Variants in OLFM3 observed in about 807,000 individuals in gnomAD.
OLFM3 encodes olfactomedin 3, also known as noelin-3.
A neutral mutation model predicts 48.6 loss-of-function variants in OLFM3; 20 were observed. The observed-to-expected ratio is 0.41, with a 90% CI of 0.29 to 0.60. The LOEUF (loss-of-function observed/expected upper bound fraction) is 0.60, where lower values mean the gene tolerates loss of function less well. OLFM3 is among the 20% of genes least tolerant of loss of function. The pLI is 0.28. For synonymous variants in OLFM3, 222 were observed against 198.1 expected (o/e 1.12, Z -1.01); for missense variants, 437 against 544.3 (o/e 0.80, Z 1.96).
chr1:101,947,818 T>C (rs2101066913), intron 1 of OLFM3, among the ~76,000 whole-genome samples: 1 of 152,314 alleles, frequency 6.6e-6, no homozygotes, highest in South Asian at 2.1e-4. Flanking sequence ...ATATGGCATA[T>C]AGATAATAAT....
intron 1 of OLFM3, among the ~76,000 whole-genome samples, chr1:101,946,290 A>G (rs554530180): frequency 6.6e-6 from 1 of 152,236 alleles, no homozygotes; most frequent in East Asian, 1.9e-4. Context: ...GACACAAATA[A>G]CACTTATGTG....
chr1:101,804,276 T>C lies in OLFM3; in HGVS notation c.1339A>G (p.Thr447Ala), dbSNP rs1206190270. 16 of 1,606,474 alleles carry C rather than the reference T, an allele frequency of 1.0e-5. No homozygotes were observed. The highest frequency in any genetic ancestry group is 1.3e-5 in the African/African-American group (1 of 74,636). Residue 447 changes from threonine (T) to alanine (A), a missense_variant, in exon 6 of 6, where the codon ACC becomes GCC. This residue lies in a region of OLFM3 where 108 missense variants were observed against 135.8 expected (regional missense o/e 0.80). Coordinates refer to ENST00000370103, the MANE Select transcript of OLFM3 (RefSeq NM_058170.4). The surrounding 1 kb of genome is among the most constrained non-coding windows in gnomAD (Gnocchi z 4.5). ...NNGHQVLFNV[T>A]LFHIIKTEDD... Reference sequence around the variant, plus strand: ...TCTGTCTTGATGATATGGAAAAGGGTGACATTGAACAGCACCTGGTGGCCA... The same window carrying C: ...TCTGTCTTGATGATATGGAAAAGGGCGACATTGAACAGCACCTGGTGGCCA...
intron 1 of OLFM3, among the ~76,000 whole-genome samples, chr1:101,933,877 C>T (rs1163546527): frequency 4.6e-5 from 7 of 152,022 alleles, no homozygotes; most frequent in East Asian, 1.9e-4. Flanking sequence ...GCTTTATAAG[C>T]GAAGAAGAAA....
At chr1:101,991,875 T>C (rs1217030011) in intron 1 of OLFM3, among the ~76,000 whole-genome samples, 1 of 151,446 alleles carries the variant, frequency 6.6e-6, no homozygotes, top group Non-Finnish European at 1.5e-5. Context: ...ACCGAGAAGA[T>C]GAAAACTGCA....
At chr1:101,995,382 T>C (rs1169051090) in intron 1 of OLFM3, among the ~76,000 whole-genome samples, 1 of 152,162 alleles carries the variant, frequency 6.6e-6, no homozygotes, top group Non-Finnish European at 1.5e-5. Flanking sequence ...CAACACTTTT[T>C]CCTAAGTGTA....
intron 1 of OLFM3, among the ~76,000 whole-genome samples, chr1:101,991,016 A>AAAAAAAATATATAT (rs1553186119): frequency 1.6e-4 from 5 of 32,212 alleles, no homozygotes; most frequent in Non-Finnish European, 2.6e-4. Context: ...AAAAAAAAAA[A>AAAAAAAATATATAT]ATATATATAT....
intron 1 of OLFM3, among the ~76,000 whole-genome samples, chr1:101,943,447 A>G (rs1659854013): frequency 6.6e-6 from 1 of 152,188 alleles, no homozygotes; most frequent in Admixed American, 6.5e-5. Flanking sequence ...TTGGTTGTCC[A>G]TTTACTGGCA....
intron 1 of OLFM3, among the ~76,000 whole-genome samples, chr1:101,918,294 CA>C (rs533366955): frequency 5.1e-4 from 78 of 152,262 alleles, no homozygotes; most frequent in African/African-American, 1.8e-3. Context: ...CAAATTACCA[CA>C]AATTTAGTGA....
chr1:101,931,630 A>G (rs561462480), intron 1 of OLFM3, among the ~76,000 whole-genome samples: 1 of 152,348 alleles, frequency 6.6e-6, no homozygotes, highest in East Asian at 1.9e-4. Context: ...GCCCATAGCT[A>G]TACTGAGCAG....
chr1:101,906,038 G>T (rs1382277091), intron 1 of OLFM3, among the ~76,000 whole-genome samples: 2 of 152,088 alleles, frequency 1.3e-5, no homozygotes, highest in Non-Finnish European at 2.9e-5. Flanking sequence ...CTGTAATAGG[G>T]CTGAATTTCG....
intron 1 of OLFM3, among the ~76,000 whole-genome samples, chr1:101,839,468 C>A (rs1339133278): frequency 6.6e-6 from 1 of 152,098 alleles, no homozygotes; most frequent in Admixed American, 6.5e-5. Context: ...TGGACATAAG[C>A]CCTGCAGTTT....
intron 1 of OLFM3, among the ~76,000 whole-genome samples, chr1:101,868,421 G>C (rs757475993): frequency 1.3e-5 from 2 of 152,156 alleles, no homozygotes; most frequent in Non-Finnish European, 2.9e-5. Flanking sequence ...AGTCACTCTT[G>C]CTGTGCAAAG....
intron 1 of OLFM3, among the ~76,000 whole-genome samples, chr1:101,879,512 CTTACTG>C (rs1214472081): frequency 6.6e-6 from 1 of 151,714 alleles, no homozygotes; most frequent in South Asian, 2.1e-4. Context: ...TTTTATATGT[CTTACTG>C]TTAATGAGCT....
At chr1:101,927,138 T>C (rs1006704070) in intron 1 of OLFM3, among the ~76,000 whole-genome samples, 10 of 152,224 alleles carry the variant, frequency 6.6e-5, no homozygotes, top group African/African-American at 2.4e-4. Context: ...TTTATAAAAA[T>C]AGAAGAGACT....
At chr1:101,968,057 A>G (rs1660667936) in intron 1 of OLFM3, among the ~76,000 whole-genome samples, 1 of 152,228 alleles carries the variant, frequency 6.6e-6, no homozygotes, top group East Asian at 1.9e-4. Context: ...ACCTAACAGT[A>G]GTTCCATGAT....
intron 4 of OLFM3, among the ~76,000 whole-genome samples, chr1:101,809,574 CAGACAAGA>C (rs1653948851): frequency 6.6e-6 from 1 of 151,808 alleles, no homozygotes; most frequent in African/African-American, 2.4e-5. Context: ...GGGAAGACAT[CAGACAAGA>C]AAATAGTGAC....
At chr1:101,981,064 A>C (rs1661093001) in intron 1 of OLFM3, among the ~76,000 whole-genome samples, 1 of 152,246 alleles carries the variant, frequency 6.6e-6, no homozygotes, top group Non-Finnish European at 1.5e-5. Context: ...CTGCCCCGAA[A>C]GAATTCTCAA....
chr1:101,910,338 C>T (rs373613217), intron 1 of OLFM3, among the ~76,000 whole-genome samples: 3 of 152,012 alleles, frequency 2.0e-5, no homozygotes, highest in Middle Eastern at 3.4e-3. Flanking sequence ...TGGTAGCGGG[C>T]GCCTGTAATC....
intron 1 of OLFM3, among the ~76,000 whole-genome samples, chr1:101,914,170 T>C (rs1354416774): frequency 1.3e-5 from 2 of 152,158 alleles, no homozygotes. Flanking sequence ...TGAACTAATA[T>C]CTAACAGTTC....
Sources: allele counts gnomAD v4.1 joint callset (sites outside exome capture counted in the v4.1 genomes callset), GRCh38; gene constraint gnomAD v4.1.1; regional missense constraint gnomAD v4.1.1; non-coding constraint Gnocchi (gnomAD v3.1); transcripts MANE v1.5; gene names NCBI Gene and HGNC (gene_info 2026-07-23, HGNC 2026-07-21).